Variants in MMD2 observed in about 807,000 individuals in gnomAD.
MMD2 encodes the protein monocyte to macrophage differentiation factor 2.
A neutral mutation model predicts 33.5 loss-of-function variants in MMD2; 30 were observed. The observed-to-expected ratio is 0.90, with a 90% confidence interval of 0.67 to 1.22. The LOEUF (loss-of-function observed/expected upper bound fraction) is 1.22. MMD2 is among the 50% of genes most tolerant of loss of function. The probability of loss-of-function intolerance (pLI) is 0.00; values close to 1 mark genes in which losing one functional copy is unlikely to be tolerated. For synonymous variants in MMD2, 129 were observed against 123.0 expected (o/e 1.05, Z -0.32); for missense variants, 364 against 325.4 (o/e 1.12, Z -0.91).
At chr7:4,916,205 G>A in intron 3 of MMD2, 126 bp from the exon 4 acceptor site, 1 of 774,206 alleles carries the variant, frequency 1.3e-6, no homozygotes. Context: ...CCTCTGTCCA[G>A]CCAAGACCCC....
chr7:4,939,729 T>A (rs565163668), intron 1 of MMD2, among the ~76,000 whole-genome samples: 1 of 137,006 alleles, frequency 7.3e-6, no homozygotes, highest in African/African-American at 2.9e-5. Context: ...CCAATCTATT[T>A]CTTTCTTTCT....
chr7:4,925,004 C>A (rs901890284), intron 2 of MMD2, among the ~76,000 whole-genome samples: 1 of 152,108 alleles, frequency 6.6e-6, no homozygotes, highest in African/African-American at 2.4e-5. Context: ...GATCTCGGCT[C>A]ACTGCAACCT....
intron 5 of MMD2, among the ~76,000 whole-genome samples, chr7:4,910,721 C>A (rs576472208): frequency 6.6e-6 from 1 of 152,130 alleles, no homozygotes; most frequent in East Asian, 1.9e-4. Flanking sequence ...CTCCACCACC[C>A]GGGTTCAAAC....
At chr7:4,952,097 A>G (rs1169165466) in intron 1 of MMD2, among the ~76,000 whole-genome samples, 3 of 152,214 alleles carry the variant, frequency 2.0e-5, no homozygotes, top group African/African-American at 7.2e-5. Flanking sequence ...TGGACAAGCC[A>G]GGGACGCCCA....
rs139454991 is a variant in MMD2, at chr7:4,931,312, ATTTATT to A, written c.48-5786_48-5781del. Among the ~76,000 whole-genome samples, 266 of 150,576 alleles carry A rather than the reference ATTTATT, an allele frequency of 1.8e-3. 2 individuals are homozygous for A. Among genetic ancestry groups the A allele is most frequent in the African/African-American group, 6.2e-3 (254 of 40,860 alleles). On this transcript the variant is annotated intron_variant, in intron 1 of 6. Coordinates refer to ENST00000401401, the MANE Select transcript of MMD2 (RefSeq NM_198403.4). ...AGGTGCACACCACCACACCCGGCTA[ATTTATT>A]TTTATTTTTATTTTTGTAGAAGTGA... is the stretch of plus-strand genomic sequence containing the variant.
intron 1 of MMD2, among the ~76,000 whole-genome samples, chr7:4,943,027 T>TTTTTA (rs1785954631): frequency 1.0e-5 from 1 of 98,144 alleles, no homozygotes; most frequent in African/African-American, 3.2e-5. Context: ...TTTTTTTTTT[T>TTTTTA]GAGACAGAGT....
At chr7:4,922,550 T>C (rs1452902510) in intron 2 of MMD2, among the ~76,000 whole-genome samples, 1 of 152,182 alleles carries the variant, frequency 6.6e-6, no homozygotes, top group Admixed American at 6.6e-5. Flanking sequence ...TAGACTCCAA[T>C]TATGTTTTGT....
At chr7:4,951,263 A>C (rs1030951326) in intron 1 of MMD2, among the ~76,000 whole-genome samples, 1 of 152,098 alleles carries the variant, frequency 6.6e-6, no homozygotes, top group African/African-American at 2.4e-5. Flanking sequence ...ACTGGAGCCC[A>C]AATCCAGACG....
intron 4 of MMD2, among the ~76,000 whole-genome samples, chr7:4,915,502 G>A (rs940688581): frequency 2.0e-5 from 3 of 151,998 alleles, no homozygotes; most frequent in African/African-American, 7.2e-5. Context: ...CACTTTGGGA[G>A]GCTGAGGTGG....
intron 2 of MMD2, among the ~76,000 whole-genome samples, chr7:4,921,710 A>G (rs1785290646): frequency 6.6e-6 from 1 of 152,018 alleles, no homozygotes; most frequent in Admixed American, 6.6e-5. Flanking sequence ...TCTGCCTGCA[A>G]GATCAGCCCA....
intron 1 of MMD2, among the ~76,000 whole-genome samples, chr7:4,941,382 C>A (rs556129387): frequency 6.6e-6 from 1 of 152,220 alleles, no homozygotes; most frequent in African/African-American, 2.4e-5. Context: ...GTAATCCCAG[C>A]ACTTTGGGAG....
rs1024741690 is a variant in MMD2, at chr7:4,946,093, ACACACGCATG to A, written c.47+12868_47+12877del. The stretch of plus-strand genomic sequence containing the variant: ...CTCACACGCACGCACACGCACGCAC[ACACACGCATG>A]CACACGCGCACACGCACGCACACAC... On this transcript the variant is annotated intron_variant, in intron 1 of 6. Transcript: ENST00000401401. The surrounding 1 kb of genome is among the most constrained non-coding windows in gnomAD (Gnocchi z 5.0). 2.6e-5 allele frequency among the ~76,000 whole-genome samples: 4 copies of A among 151,316 alleles called. No individual in the cohort carries two copies. The highest frequency in any genetic ancestry group is 2.1e-4 in the South Asian group (1 of 4,788).
chr7:4,935,783 C>T (rs1009231954), intron 1 of MMD2, among the ~76,000 whole-genome samples: 2 of 151,830 alleles, frequency 1.3e-5, no homozygotes, highest in African/African-American at 2.4e-5. Context: ...TGCTTTGGAC[C>T]CTGTACTTGA....
intron 6 of MMD2, 31 bp from the exon 7 acceptor site, chr7:4,907,630 T>G (rs1428223518): frequency 6.2e-7 from 1 of 1,607,906 alleles, no homozygotes; most frequent in Non-Finnish European, 8.5e-7. Context: ...GGGGCACAGG[T>G]CAGAGGGGCA....
chr7:4,938,002 C>CTTTTTTTTTTTTT (rs1165504272), intron 1 of MMD2, among the ~76,000 whole-genome samples: 2 of 45,652 alleles, frequency 4.4e-5, no homozygotes, highest in Non-Finnish European at 3.5e-5. Context: ...TTCTTTCTTT[C>CTTTTTTTTTTTTT]TTTTTTTTTT....
chr7:4,930,271 CAAAAAAAA>C (rs770469673), intron 1 of MMD2, among the ~76,000 whole-genome samples: 3 of 47,176 alleles, frequency 6.4e-5, no homozygotes, highest in African/African-American at 1.6e-4. Context: ...GACTCCATCT[CAAAAAAAA>C]AAAAAAAAAA....
chr7:4,929,397 A>AC (rs1040399564), intron 1 of MMD2, among the ~76,000 whole-genome samples: 10 of 151,732 alleles, frequency 6.6e-5, no homozygotes, highest in Non-Finnish European at 1.3e-4. Context: ...CACCCTGGGG[A>AC]CCCCATTGAA....
Position 4,907,331 on chromosome 7 carries a change from G to C in MMD2, c.*65C>G, listed in dbSNP as rs1334064260. 4.6e-6 allele frequency: 7 copies of C among 1,520,570 alleles called. No individual in the cohort carries two copies. The highest frequency in any genetic ancestry group is 1.1e-5 in the South Asian group (1 of 88,502). The allele number at this position is 1,520,570 out of a possible 1,614,324, so 94.2% of individuals were successfully genotyped here. A position where few individuals can be genotyped will look rare whatever the true frequency, so the allele number is the denominator to read the frequency against. The stretch of plus-strand genomic sequence containing the variant: ...AGACAGGCCTTGGCGCTGTGCTCTG[G>C]GTTAACGTTCACAGAAACGTGCTCC... On this transcript the variant is annotated 3_prime_UTR_variant, in exon 7 of 7. Transcript: ENST00000401401.
rs183047492 is a variant in MMD2, at chr7:4,954,429, T to C, written c.47+4542A>G. ...TTAACAGAAACTTAATTTTTTTTTC[T>C]TTTTTTGAGACGGGGTCTCCCTCTG... On this transcript the variant is annotated intron_variant, in intron 1 of 6. Coordinates refer to ENST00000401401, the MANE Select transcript of MMD2 (RefSeq NM_198403.4). Among the ~76,000 whole-genome samples the C allele has an allele frequency of 2.7e-4, 41 of 149,638 alleles. 1 individual carries two copies. The East Asian group carries it at 7.7e-3, about 28-fold the overall frequency.
Sources: allele counts gnomAD v4.1 joint callset (sites outside exome capture counted in the v4.1 genomes callset), GRCh38; gene constraint gnomAD v4.1.1; non-coding constraint Gnocchi (gnomAD v3.1); transcripts MANE v1.5; gene names NCBI Gene and HGNC (gene_info 2026-07-23, HGNC 2026-07-21).